Variants in C8A observed in about 807,000 individuals in gnomAD.
The protein encoded by C8A is complement C8 alpha chain.
In C8A, 67 loss-of-function variants were observed where a neutral mutation model predicts 65.3. The observed-to-expected ratio is 1.03, with a 90% CI of 0.84 to 1.26. The LOEUF (loss-of-function observed/expected upper bound fraction) is 1.26, where lower values mean the gene tolerates loss of function less well. Among genes scored for constraint, C8A ranks in the 50% most tolerant of loss-of-function variants. The probability of loss-of-function intolerance (pLI) is 0.00; values close to 1 mark genes in which losing one functional copy is unlikely to be tolerated. For missense variants in C8A, 781 were observed against 723.9 expected, an observed-to-expected ratio of 1.08 and a Z score of -0.90; for synonymous variants, 290 against 259.4, an observed-to-expected ratio of 1.12 and a Z score of -1.13.
At chr1:56,898,047 A>T (rs1313004413) in intron 7 of C8A, among the ~76,000 whole-genome samples, 2 of 152,152 alleles carry the variant, frequency 1.3e-5, no homozygotes, top group African/African-American at 4.8e-5. Flanking sequence ...ATCTTCCAAA[A>T]TTACTAGGAG....
chr1:56,895,189 T>A (rs1231694513), intron 7 of C8A, among the ~76,000 whole-genome samples: 1 of 152,164 alleles, frequency 6.6e-6, no homozygotes, highest in East Asian at 1.9e-4. Flanking sequence ...TTCCATACAT[T>A]CTGTCATTCA....
intron 1 of C8A, among the ~76,000 whole-genome samples, chr1:56,860,018 G>A (rs528666732): frequency 6.3e-4 from 96 of 152,312 alleles, no homozygotes; most frequent in African/African-American, 2.1e-3. Flanking sequence ...AGCCGAGATC[G>A]TGCCACTGCG....
chr1:56,885,586 G>A (rs752607032), intron 6 of C8A, among the ~76,000 whole-genome samples: 9 of 140,546 alleles, frequency 6.4e-5, no homozygotes, highest in Non-Finnish European at 9.1e-5. Context: ...TTTTTGAGGC[G>A]GAGTCTTGCT....
intron 2 of C8A, among the ~76,000 whole-genome samples, chr1:56,871,882 T>C (rs1026806444): frequency 1.3e-5 from 2 of 152,126 alleles, no homozygotes; most frequent in Non-Finnish European, 2.9e-5. Flanking sequence ...TCGAATAACA[T>C]TATGTGTTAT....
intron 7 of C8A, among the ~76,000 whole-genome samples, chr1:56,895,002 A>G (rs534100418): frequency 3.3e-5 from 5 of 152,290 alleles, no homozygotes; most frequent in Admixed American, 1.3e-4. Context: ...CACATCTGGC[A>G]TTCAAATTGA....
chr1:56,912,377 G>C (rs762795610), intron 9 of C8A, 26 bp from the exon 10 acceptor site: 1 of 1,603,794 alleles, frequency 6.2e-7, no homozygotes. Context: ...CCAGGGAGGG[G>C]CCCTGTGTTC....
chr1:56,855,650 G>A (rs1326321033), intron 1 of C8A, among the ~76,000 whole-genome samples: 2 of 143,062 alleles, frequency 1.4e-5, no homozygotes, highest in African/African-American at 5.2e-5. Flanking sequence ...TTTTTTTTTG[G>A]TATCTTAATA....
At chr1:56,885,380 TTAAATATATATTTAAA>T (rs1268598819) in intron 6 of C8A, among the ~76,000 whole-genome samples, 2 of 94,622 alleles carry the variant, frequency 2.1e-5, no homozygotes, top group Non-Finnish European at 4.2e-5. Flanking sequence ...TTATATTTAT[TTAAATATATATTTAAA>T]TAAATATATA....
At chr1:56,867,061 A>G (rs1644096285) in intron 1 of C8A, among the ~76,000 whole-genome samples, 1 of 152,222 alleles carries the variant, frequency 6.6e-6, no homozygotes, top group African/African-American at 2.4e-5. Context: ...TGTTATAGAG[A>G]TTAAATGAGA....
chr1:56,895,092 A>G (rs992995822), intron 7 of C8A, among the ~76,000 whole-genome samples: 1 of 152,182 alleles, frequency 6.6e-6, no homozygotes, highest in African/African-American at 2.4e-5. Flanking sequence ...CAAAGAGGTT[A>G]AGTAAATGGC....
At chr1:56,867,942 A>G (rs145802869) in intron 2 of C8A, among the ~76,000 whole-genome samples, 1 of 152,274 alleles carries the variant, frequency 6.6e-6, no homozygotes, top group East Asian at 1.9e-4. Context: ...TAGGCAGAAA[A>G]GTCACTATCT....
In C8A at chr1:56,899,368, C is replaced by T. The variant is rs970390860; in HGVS notation, c.1097-7299C>T. On this transcript the variant is annotated intron_variant, in intron 7 of 10. Coordinates refer to ENST00000361249, the MANE Select transcript of C8A (RefSeq NM_000562.3). Reference sequence around the variant, plus strand: ...ACAGAACGTGGTCTTTGGACACAGGCCTTGGTTCAATCCCAGTTCTGTTAT... The same window carrying T: ...ACAGAACGTGGTCTTTGGACACAGGTCTTGGTTCAATCCCAGTTCTGTTAT... Among the ~76,000 whole-genome samples, 58 of 152,126 alleles carry T rather than the reference C, an allele frequency of 3.8e-4. 2 individuals carry two copies. The highest frequency in any genetic ancestry group is 3.6e-3 in the Admixed American group (55 of 15,260).
chr1:56,912,562 A>G lies in C8A; in HGVS notation c.1540A>G (p.Ser514Gly). 1.2e-6 allele frequency: 2 copies of G among 1,614,210 alleles called. No individual in the cohort carries two copies. Among genetic ancestry groups the G allele is most frequent in the Non-Finnish European group, 1.7e-6 (2 of 1,180,020 alleles). ...NNGVPILEGT[S>G]CRCQCRLGSL... ...TGGGGTGCCCATCCTCGAGGGCACCAGCTGCAGGTGCCAGTGCCGCCTGGG... is the reference window on the plus strand; with the variant it reads ...TGGGGTGCCCATCCTCGAGGGCACCGGCTGCAGGTGCCAGTGCCGCCTGGG... The change falls in exon 10 of 11, where the codon AGC becomes GGC. Residue 514 changes from serine (S) to glycine (G), a missense_variant. Ser to Gly is a moderately conservative substitution (Grantham distance 56, BLOSUM62 0). Transcript: ENST00000361249.
intron 1 of C8A, among the ~76,000 whole-genome samples, chr1:56,858,388 T>C (rs1643997713): frequency 6.6e-6 from 1 of 152,140 alleles, no homozygotes; most frequent in African/African-American, 2.4e-5. Context: ...TTACTATCCA[T>C]CAATTGAAGG....
intron 1 of C8A, among the ~76,000 whole-genome samples, chr1:56,867,157 C>A (rs1477889321): frequency 6.6e-6 from 1 of 151,946 alleles, no homozygotes; most frequent in East Asian, 1.9e-4. Context: ...TTTCAATAAC[C>A]CTTTTAGGTA....
chr1:56,914,052 C>A (rs1644531424), intron 10 of C8A, among the ~76,000 whole-genome samples: 1 of 151,952 alleles, frequency 6.6e-6, no homozygotes, highest in African/African-American at 2.4e-5. Context: ...AGCAGGCAAT[C>A]CAGAGAAGTG....
rs1644102090 is a variant in C8A at position 56,867,494 on chromosome 1, G to A, written c.78-115G>A. The A allele has an allele frequency of 4.0e-6, 3 of 751,032 alleles. No individual in the cohort carries two copies. The South Asian group carries it at 4.4e-5, about 11-fold the overall frequency. 46.5% of individuals were successfully genotyped at this position (751,032 alleles called of 1,614,324 possible). The stretch of plus-strand genomic sequence containing the variant: ...TACATAAAGTAGGAGTACAATAAAT[G>A]TTCATTCCTCATTTCTTCCAAACCA... On this transcript the variant is annotated intron_variant, in intron 1 of 10. Transcript: ENST00000361249.
At chr1:56,879,817 T>C (rs1399395803) in intron 4 of C8A, among the ~76,000 whole-genome samples, 1 of 152,174 alleles carries the variant, frequency 6.6e-6, no homozygotes, top group Non-Finnish European at 1.5e-5. Context: ...ACATTGAATT[T>C]CTACAATCTG....
intron 4 of C8A, among the ~76,000 whole-genome samples, chr1:56,879,166 T>C (rs936962047): frequency 1.3e-5 from 2 of 152,192 alleles, no homozygotes; most frequent in African/African-American, 4.8e-5. Flanking sequence ...ATTTACTATC[T>C]GGCTCTTTAT....
Sources: gnomAD v4.1 joint callset for allele counts (sites outside exome capture counted in the v4.1 genomes callset) on GRCh38, gnomAD v4.1.1 for gene constraint, MANE v1.5 for transcripts, NCBI Gene and HGNC (gene_info 2026-07-23, HGNC 2026-07-21) for gene names.